The following MAML2 variants were observed in gnomAD, a reference collection of about 807,000 sequenced individuals.
The protein encoded by MAML2 is mastermind-like protein 2.
In MAML2, 22 loss-of-function variants were observed where a neutral mutation model predicts 96.1. The ratio of observed to expected loss-of-function variants is 0.23; its 90% CI spans 0.16 to 0.33. The LOEUF (loss-of-function observed/expected upper bound fraction) is 0.33, where lower values mean the gene tolerates loss of function less well. MAML2 is among the 10% of genes least tolerant of loss of function. The probability of loss-of-function intolerance (pLI) is 1.00; values close to 1 mark genes in which losing one functional copy is unlikely to be tolerated. For synonymous variants in MAML2, 561 were observed against 521.3 expected (o/e 1.08, Z -1.04); for missense variants, 1,367 against 1,392.4 (o/e 0.98, Z 0.29).
At chr11:96,046,243 C>T (rs1262119470) in intron 2 of MAML2, among the ~76,000 whole-genome samples, 2 of 151,858 alleles carry the variant, frequency 1.3e-5, no homozygotes, top group East Asian at 1.9e-4. Flanking sequence ...AAGGCAGGCT[C>T]GAGCCAAGAG....
At chr11:96,199,104 G>A (rs1006435884) in intron 1 of MAML2, among the ~76,000 whole-genome samples, 5 of 149,170 alleles carry the variant, frequency 3.4e-5, no homozygotes, top group African/African-American at 1.2e-4. Context: ...AGGCTGAGAT[G>A]GAGAATTGCT....
chr11:96,187,027 T>C (rs1441414205), intron 1 of MAML2, among the ~76,000 whole-genome samples: 1 of 152,254 alleles, frequency 6.6e-6, no homozygotes, highest in Non-Finnish European at 1.5e-5. Flanking sequence ...GCTACTGAAC[T>C]GTGGTCCATT....
In MAML2 at chr11:96,177,484, G is replaced by A. The variant is rs146949721; in HGVS notation, c.514-83967C>T. Among the ~76,000 whole-genome samples the A allele has an allele frequency of 6.2e-3, 951 of 152,230 alleles. 3 individuals carry two copies. Among genetic ancestry groups the A allele is most frequent in the Non-Finnish European group, 9.9e-3 (676 of 68,016 alleles). ...AGCATAGGAGTACTTGCAGACAACCGTCCAAGTGACAGGCCACTGCCAAAG... is the reference window on the plus strand; with the variant it reads ...AGCATAGGAGTACTTGCAGACAACCATCCAAGTGACAGGCCACTGCCAAAG... On this transcript the variant is annotated intron_variant, in intron 1 of 4. Coordinates refer to ENST00000524717, the MANE Select transcript of MAML2 (RefSeq NM_032427.4).
chr11:96,207,020 A>G (rs1436653808), intron 1 of MAML2, among the ~76,000 whole-genome samples: 2 of 152,236 alleles, frequency 1.3e-5, no homozygotes, highest in Non-Finnish European at 2.9e-5. Flanking sequence ...AGTAAATTTA[A>G]ACCATAACAT....
rs1859074626 is a variant in MAML2, at chr11:96,056,628, C to A, written c.2139+35264G>T. ...AAATGCAAGGTTAGAACATTTGAAG[C>A]ATGAGAATACTGATTTACATGGAAG... On this transcript the variant is annotated intron_variant, in intron 2 of 4. Transcript: ENST00000524717. Among the ~76,000 whole-genome samples the A allele has an allele frequency of 2.6e-5, 4 of 152,166 alleles. No homozygotes were observed. The South Asian group carries it at 8.3e-4, about 32-fold the overall frequency.
At chr11:96,309,178 A>T (rs1863504376) in intron 1 of MAML2, among the ~76,000 whole-genome samples, 1 of 152,226 alleles carries the variant, frequency 6.6e-6, no homozygotes, top group South Asian at 2.1e-4. Flanking sequence ...CACTGAAATG[A>T]GTAATCCATT....
At chr11:96,265,509 C>T (rs1862813200) in intron 1 of MAML2, among the ~76,000 whole-genome samples, 2 of 152,108 alleles carry the variant, frequency 1.3e-5, no homozygotes, top group African/African-American at 2.4e-5. Context: ...GGCATGGTCC[C>T]AGGTTAGGAC....
At chr11:96,138,747 G>C (rs1860680842) in intron 1 of MAML2, among the ~76,000 whole-genome samples, 1 of 151,776 alleles carries the variant, frequency 6.6e-6, no homozygotes, top group Admixed American at 6.6e-5. Context: ...GCCCCAAAAA[G>C]CTTTCCAGGT....
At position 96,178,041 on chromosome 11, in the gene MAML2, A is replaced by T. The variant is rs535091537; in HGVS notation, c.514-84524T>A. Reference sequence around the variant, plus strand: ...TACTCTTTAACTTAAAAAAAAAATAAATATCACAATTCATATAAGCGTTTC... The same window carrying T: ...TACTCTTTAACTTAAAAAAAAAATATATATCACAATTCATATAAGCGTTTC... On this transcript the variant is annotated intron_variant, in intron 1 of 4. Coordinates refer to ENST00000524717, the MANE Select transcript of MAML2 (RefSeq NM_032427.4). Among the ~76,000 whole-genome samples, 1,008 of 151,440 alleles carry T rather than the reference A, an allele frequency of 6.7e-3. 26 individuals are homozygous for T. Among genetic ancestry groups the T allele is most frequent in the African/African-American group, 0.024 (972 of 41,236 alleles).
chr11:95,994,707 G>T (rs764145974), intron 2 of MAML2, among the ~76,000 whole-genome samples: 11 of 152,306 alleles, frequency 7.2e-5, no homozygotes, highest in Non-Finnish European at 1.2e-4. Flanking sequence ...GAAAGAGTCT[G>T]CTCTTTTCTT....
At position 95,998,720 on chromosome 11, in the gene MAML2, T is replaced by G. The variant is rs896594717; in HGVS notation, c.2140-6997A>C. On this transcript the variant is annotated intron_variant, in intron 2 of 4. Coordinates refer to ENST00000524717, the MANE Select transcript of MAML2 (RefSeq NM_032427.4). ...GTCTCAAGGATGTTAGGAGACCATT[T>G]GGTAAATCAGGTATATGATGACCGA... 2.0e-5 allele frequency among the ~76,000 whole-genome samples: 3 copies of G among 152,178 alleles called. No homozygotes were observed. In the East Asian group the frequency reaches 5.8e-4, roughly 29 times the overall value.
chr11:96,309,988 C>A (rs566392263), intron 1 of MAML2, among the ~76,000 whole-genome samples: 17 of 152,102 alleles, frequency 1.1e-4, no homozygotes, highest in Non-Finnish European at 2.2e-4. Context: ...CAGGTGTGAG[C>A]CACCACACCT....
At chr11:96,030,691 G>A (rs990061254) in intron 2 of MAML2, among the ~76,000 whole-genome samples, 5 of 152,136 alleles carry the variant, frequency 3.3e-5, no homozygotes, top group African/African-American at 1.2e-4. Context: ...GTTCTATAGT[G>A]ACCCAGTTCC....
chr11:96,301,029 A>C (rs545067517), intron 1 of MAML2, among the ~76,000 whole-genome samples: 1 of 152,206 alleles, frequency 6.6e-6, no homozygotes, highest in Non-Finnish European at 1.5e-5. Flanking sequence ...CCCACAATAA[A>C]CACTCAATAA....
intron 1 of MAML2, among the ~76,000 whole-genome samples, chr11:96,100,565 C>T (rs1859910161): frequency 6.6e-6 from 1 of 151,974 alleles, no homozygotes; most frequent in African/African-American, 2.4e-5. Flanking sequence ...CTGCATCGGC[C>T]TCCCAAAGTG....
chr11:96,108,876 T>C (rs74423095), intron 1 of MAML2, among the ~76,000 whole-genome samples: 28,313 of 151,718 alleles, frequency 0.19, 2,937 homozygotes, highest in Middle Eastern at 0.27. Context: ...CTACAAAAAA[T>C]ACAAAAAATT....
chr11:96,083,631 G>A (rs1237765402), intron 2 of MAML2, among the ~76,000 whole-genome samples: 1 of 152,200 alleles, frequency 6.6e-6, no homozygotes, highest in Non-Finnish European at 1.5e-5. Flanking sequence ...AACTTCTGTT[G>A]GGGGAGGGGA....
At chr11:96,134,416 C>A (rs2135859125) in intron 1 of MAML2, among the ~76,000 whole-genome samples, 1 of 152,268 alleles carries the variant, frequency 6.6e-6, no homozygotes, top group South Asian at 2.1e-4. Context: ...GGCAAGATAT[C>A]AAATGTCTCT....
At chr11:96,160,882 T>G (rs1455769791) in intron 1 of MAML2, among the ~76,000 whole-genome samples, 1 of 152,176 alleles carries the variant, frequency 6.6e-6, no homozygotes, top group Non-Finnish European at 1.5e-5. Context: ...AGTGCGCACT[T>G]GGGTGAGAGC....
Sources: gnomAD v4.1 joint callset for allele counts (sites outside exome capture counted in the v4.1 genomes callset) on GRCh38, gnomAD v4.1.1 for gene constraint, MANE v1.5 for transcripts, NCBI Gene and HGNC (gene_info 2026-07-23, HGNC 2026-07-21) for gene names.